Variants in PLXDC2 observed in about 807,000 individuals in gnomAD.
PLXDC2 encodes the protein plexin domain containing 2.
PLXDC2 carries 40 observed loss-of-function variants against 68.9 expected under a neutral mutation model. That is an observed-to-expected ratio of 0.58 (90% confidence interval 0.45 to 0.76). PLXDC2 has a LOEUF of 0.76. Among genes scored for constraint, PLXDC2 ranks in the 30% least tolerant of loss-of-function variants. PLXDC2 has a pLI of 0.00. For missense variants in PLXDC2, 644 were observed against 661.9 expected, an observed-to-expected ratio of 0.97 and a Z score of 0.30; for synonymous variants, 243 against 234.2, an observed-to-expected ratio of 1.04 and a Z score of -0.34.
At chr10:20,278,299 A>G (rs555753302) in intron 13 of PLXDC2, among the ~76,000 whole-genome samples, 1 of 152,300 alleles carries the variant, frequency 6.6e-6, no homozygotes, top group African/African-American at 2.4e-5. Context: ...TGAAGTCACT[A>G]AAACCAGAGT....
At chr10:20,233,373 A>AAAAT (rs1835390457) in intron 12 of PLXDC2, among the ~76,000 whole-genome samples, 1 of 151,632 alleles carries the variant, frequency 6.6e-6, no homozygotes, top group African/African-American at 2.4e-5. Flanking sequence ...AAAAATTTAA[A>AAAAT]AAAAGTAGGT....
At chr10:20,243,063 T>C (rs1835538937) in intron 12 of PLXDC2, among the ~76,000 whole-genome samples, 1 of 152,166 alleles carries the variant, frequency 6.6e-6, no homozygotes, top group Non-Finnish European at 1.5e-5. Flanking sequence ...TTGCTTGAAA[T>C]TACCAGATTC....
intron 1 of PLXDC2, among the ~76,000 whole-genome samples, chr10:19,863,989 A>G (rs1306744408): frequency 6.6e-6 from 1 of 152,080 alleles, no homozygotes; most frequent in Non-Finnish European, 1.5e-5. Context: ...TTGAAGCAAA[A>G]CGCTATTTTT....
intron 4 of PLXDC2, among the ~76,000 whole-genome samples, chr10:20,097,867 T>C (rs965949421): frequency 1.2e-4 from 18 of 150,142 alleles, no homozygotes; most frequent in African/African-American, 4.4e-4. Flanking sequence ...AAAGTGATTA[T>C]TGCTTTCAAG....
At chr10:20,005,498 A>G (rs1299656495) in intron 2 of PLXDC2, among the ~76,000 whole-genome samples, 1 of 152,138 alleles carries the variant, frequency 6.6e-6, no homozygotes, top group Non-Finnish European at 1.5e-5. Context: ...AAATACCGAG[A>G]CTGGGTAATT....
intron 9 of PLXDC2, among the ~76,000 whole-genome samples, chr10:20,200,952 C>A (rs1337978872): frequency 1.3e-5 from 2 of 151,974 alleles, no homozygotes; most frequent in Non-Finnish European, 2.9e-5. Context: ...CTGGTACAGC[C>A]GCTGTGGAGA....
chr10:19,849,501 A>T (rs915023126), intron 1 of PLXDC2, among the ~76,000 whole-genome samples: 1 of 152,138 alleles, frequency 6.6e-6, no homozygotes. Flanking sequence ...ATATTAGATT[A>T]TGGGGGCAGT....
chr10:20,003,262 C>T (rs770385697), intron 2 of PLXDC2, among the ~76,000 whole-genome samples: 1 of 152,162 alleles, frequency 6.6e-6, no homozygotes, highest in Non-Finnish European at 1.5e-5. Flanking sequence ...GGTGATTTAT[C>T]CAGTTTGCTC....
intron 9 of PLXDC2, among the ~76,000 whole-genome samples, chr10:20,185,702 C>G (rs569883083): frequency 6.6e-6 from 1 of 152,024 alleles, no homozygotes; most frequent in East Asian, 1.9e-4. Context: ...TTTGAAGCTA[C>G]TTTTAGACTA....
At chr10:19,849,388 T>C (rs894885698) in intron 1 of PLXDC2, among the ~76,000 whole-genome samples, 2 of 152,134 alleles carry the variant, frequency 1.3e-5, no homozygotes, top group African/African-American at 4.8e-5. Flanking sequence ...AAATCTAATA[T>C]AATATGATAC....
chr10:20,225,374 A>AT (rs571403910), intron 12 of PLXDC2, among the ~76,000 whole-genome samples: 32 of 151,718 alleles, frequency 2.1e-4, no homozygotes, highest in Admixed American at 5.9e-4. Context: ...CTTTTTGTTG[A>AT]TTTTTTTTGT....
intron 4 of PLXDC2, among the ~76,000 whole-genome samples, chr10:20,079,138 G>C (rs1486041765): frequency 1.3e-5 from 2 of 151,910 alleles, no homozygotes; most frequent in African/African-American, 2.4e-5. Context: ...AATATTACAA[G>C]GAACTTAAAC....
intron 13 of PLXDC2, among the ~76,000 whole-genome samples, chr10:20,247,624 C>T (rs1472797190): frequency 6.6e-6 from 1 of 152,172 alleles, no homozygotes; most frequent in Non-Finnish European, 1.5e-5. Context: ...GAAACTCTAT[C>T]TGCAGGGATA....
In PLXDC2 at chr10:20,020,178, A is replaced by ATTTTTTTTTTT. The variant is rs71388889; in HGVS notation, c.324+18204_324+18214dup. 9.3e-4 allele frequency among the ~76,000 whole-genome samples: 100 copies of ATTTTTTTTTTT among 107,318 alleles called. 2 individuals are homozygous for ATTTTTTTTTTT. The highest frequency in any genetic ancestry group is 2.5e-3 in the African/African-American group (60 of 24,176). 70.4% of individuals were successfully genotyped at this position (107,318 alleles called of 152,430 possible). ...AAACACATGCCACCACACCCAGCAA[A>ATTTTTTTTTTT]TTTTTTTTTTTTTTTTTTTTTTGTA... On this transcript the variant is annotated intron_variant, in intron 2 of 13. Coordinates refer to ENST00000377252, the MANE Select transcript of PLXDC2 (RefSeq NM_032812.9).
intron 1 of PLXDC2, among the ~76,000 whole-genome samples, chr10:19,887,161 T>C (rs1276892181): frequency 2.0e-5 from 3 of 152,188 alleles, no homozygotes; most frequent in Non-Finnish European, 4.4e-5. Context: ...CAATAACATT[T>C]TCTGTACACT....
intron 1 of PLXDC2, among the ~76,000 whole-genome samples, chr10:19,956,539 C>T (rs987514377): frequency 6.6e-6 from 1 of 152,064 alleles, no homozygotes; most frequent in African/African-American, 2.4e-5. Context: ...CTCAAAGAAA[C>T]CTTTGGACTT....
chr10:20,150,938 G>C (rs984677428), intron 6 of PLXDC2, among the ~76,000 whole-genome samples: 2 of 152,098 alleles, frequency 1.3e-5, no homozygotes, highest in African/African-American at 4.8e-5. Context: ...AAGATGACAG[G>C]CAAATTTAAT....
At chr10:19,975,481 A>T (rs1246170217) in intron 1 of PLXDC2, among the ~76,000 whole-genome samples, 4 of 151,932 alleles carry the variant, frequency 2.6e-5, no homozygotes, top group South Asian at 2.1e-4. Flanking sequence ...AATAATTAAA[A>T]ATAAATAAAT....
At chr10:20,253,441 A>G (rs576112786) in intron 13 of PLXDC2, among the ~76,000 whole-genome samples, 25 of 151,648 alleles carry the variant, frequency 1.6e-4, no homozygotes, top group African/African-American at 5.6e-4. Context: ...CCATTCTTAA[A>G]GTGTGCCTAA....
Sources: gnomAD v4.1 joint callset for allele counts (sites outside exome capture counted in the v4.1 genomes callset) on GRCh38, gnomAD v4.1.1 for gene constraint, MANE v1.5 for transcripts, NCBI Gene and HGNC (gene_info 2026-07-23, HGNC 2026-07-21) for gene names.